The following TFG variants were observed in gnomAD, a reference collection of about 807,000 sequenced individuals.
TFG encodes trafficking from ER to golgi regulator.
In TFG, 22 loss-of-function variants were observed where a neutral mutation model predicts 51.4. That is an observed-to-expected ratio of 0.43 (90% confidence interval 0.31 to 0.61). TFG has a LOEUF of 0.61. TFG is among the 20% of genes least tolerant of loss of function. The probability of loss-of-function intolerance (pLI) is 0.12; values close to 1 mark genes in which losing one functional copy is unlikely to be tolerated. For synonymous variants in TFG, 187 were observed against 165.6 expected (o/e 1.13, Z -0.99); for missense variants, 419 against 487.7 (o/e 0.86, Z 1.33).
intron 2 of TFG, among the ~76,000 whole-genome samples, chr3:100,718,904 TA>T (rs1464752455): frequency 1.3e-5 from 2 of 152,182 alleles, no homozygotes; most frequent in African/African-American, 4.8e-5. Context: ...ATTCTGTTAG[TA>T]GAGTGGAGGG....
At chr3:100,719,872 T>A in intron 2 of TFG, 103 bp from the exon 3 acceptor site, 1 of 657,218 alleles carries the variant, frequency 1.5e-6, no homozygotes, top group Admixed American at 3.5e-5. Flanking sequence ...AACTATGTTC[T>A]ACAATCTACA....
intron 3 of TFG, among the ~76,000 whole-genome samples, chr3:100,721,810 A>G (rs2095061503): frequency 6.6e-6 from 1 of 152,222 alleles, no homozygotes; most frequent in East Asian, 1.9e-4. Flanking sequence ...AAGATATGTG[A>G]TAGTCTACAA....
chr3:100,744,007 G>A (rs2095128505), intron 6 of TFG: 1 of 152,062 alleles, frequency 6.6e-6, no homozygotes, highest in South Asian at 2.1e-4. Flanking sequence ...TTGAGAAGTA[G>A]AGATAATAAA....
At chr3:100,727,652 C>T (rs974101399) in intron 3 of TFG, among the ~76,000 whole-genome samples, 12 of 151,954 alleles carry the variant, frequency 7.9e-5, no homozygotes, top group African/African-American at 2.2e-4. Context: ...TTTCAGTCAA[C>T]TGAAAATCAT....
At chr3:100,736,514 T>G in intron 5 of TFG, 62 bp from the exon 6 acceptor site, 1 of 1,579,174 alleles carries the variant, frequency 6.3e-7, no homozygotes, top group Non-Finnish European at 8.6e-7. Context: ...AACTTATTCC[T>G]TGAGCTTGCT....
At chr3:100,743,772 A>G (rs2095127804) in intron 6 of TFG, 1 of 151,912 alleles carries the variant, frequency 6.6e-6, no homozygotes, top group Non-Finnish European at 1.5e-5. Context: ...TGCCTACTGC[A>G]GCTCGATTTG....
At chr3:100,723,725 A>G (rs906038462) in intron 3 of TFG, among the ~76,000 whole-genome samples, 6 of 152,198 alleles carry the variant, frequency 3.9e-5, no homozygotes, top group Non-Finnish European at 8.8e-5. Context: ...AGAAAAATTG[A>G]CAGAACAAAG....
chr3:100,739,066 T>G (rs2095114458), intron 6 of TFG, among the ~76,000 whole-genome samples: 1 of 152,302 alleles, frequency 6.6e-6, no homozygotes, highest in African/African-American at 2.4e-5. Context: ...CAGCTTTAGA[T>G]AAATATAGTC....
At chr3:100,738,831 C>T (rs1164813897) in intron 6 of TFG, among the ~76,000 whole-genome samples, 2 of 152,092 alleles carry the variant, frequency 1.3e-5, no homozygotes, top group Admixed American at 1.3e-4. Context: ...TATTTAGCAG[C>T]ATTAGAAAAA....
chr3:100,718,386 G>T (rs747351961), intron 2 of TFG, among the ~76,000 whole-genome samples: 7 of 151,926 alleles, frequency 4.6e-5, no homozygotes, highest in Non-Finnish European at 7.4e-5. Flanking sequence ...GTCACATAAG[G>T]CCTCTGTCTC....
At chr3:100,717,867 A>AT (rs918660651) in intron 2 of TFG, among the ~76,000 whole-genome samples, 8 of 151,740 alleles carry the variant, frequency 5.3e-5, no homozygotes, top group African/African-American at 1.9e-4. Flanking sequence ...GATACCTTTT[A>AT]TTTTTTTCTC....
intron 3 of TFG, among the ~76,000 whole-genome samples, chr3:100,724,356 G>T (rs562837623): frequency 6.6e-6 from 1 of 152,194 alleles, no homozygotes; most frequent in South Asian, 2.1e-4. Flanking sequence ...TAGAAATGAA[G>T]TTTATAGTAG....
intron 3 of TFG, among the ~76,000 whole-genome samples, chr3:100,727,264 A>G (rs1440013070): frequency 6.6e-6 from 1 of 152,168 alleles, no homozygotes; most frequent in Non-Finnish European, 1.5e-5. Context: ...TGTTTTTCTC[A>G]TCAAATATTG....
At chr3:100,713,898 A>C (rs779684384) in intron 2 of TFG, 29 bp downstream of exon 2, 2 of 1,357,672 alleles carry the variant, frequency 1.5e-6, no homozygotes, top group East Asian at 4.9e-5. Context: ...CTATTTTTTA[A>C]AGTCTTTTTA....
intron 6 of TFG, among the ~76,000 whole-genome samples, chr3:100,738,557 T>TAA (rs539987066): frequency 5.3e-5 from 8 of 152,314 alleles, no homozygotes; most frequent in African/African-American, 1.9e-4. Flanking sequence ...CGAAAGGACA[T>TAA]ACAGTGAAAA....
chr3:100,737,339 A>T (rs1458561941), intron 6 of TFG, among the ~76,000 whole-genome samples: 2 of 152,236 alleles, frequency 1.3e-5, no homozygotes, highest in Non-Finnish European at 2.9e-5. Context: ...CAGTGGTTTC[A>T]AAAGAATGTC....
rs777143620 is a variant in TFG at position 100,736,602 on chromosome 3, C to T, written c.607C>T (p.Arg203Cys). The T allele has an allele frequency of 5.0e-6, 8 of 1,613,814 alleles. No homozygotes were observed. Among genetic ancestry groups the T allele is most frequent in the East Asian group, 2.2e-5 (1 of 44,882 alleles). ...GCCACCCAGTGCTCCTGCAGAAGAT[C>T]GTTCAGGAACACCCGACAGCATTGC... ...SGPPSAPAED[R>C]SGTPDSIASS... The change falls in exon 6 of 8, where the codon CGT becomes TGT. Residue 203 changes from arginine to cysteine, a missense_variant. Physicochemically the swap from Arg to Cys is radical, Grantham distance 180 (BLOSUM62 -3). This residue lies in a region of TFG where 391 missense variants were observed against 434.4 expected (regional missense o/e 0.90). Transcript: ENST00000240851.
chr3:100,741,619 G>A (rs947703650), intron 6 of TFG, among the ~76,000 whole-genome samples: 5 of 152,118 alleles, frequency 3.3e-5, no homozygotes, highest in Admixed American at 6.6e-5. Context: ...AGTGTATAGC[G>A]TTTGTAAACC....
chr3:100,721,269 A>C (rs1056396405), intron 3 of TFG, among the ~76,000 whole-genome samples: 5 of 152,096 alleles, frequency 3.3e-5, no homozygotes, highest in African/African-American at 1.2e-4. Context: ...TAAGGGAAAT[A>C]TCCAGGGAAC....
Sources: gnomAD v4.1 joint callset for allele counts (sites outside exome capture counted in the v4.1 genomes callset) on GRCh38, gnomAD v4.1.1 for gene constraint, gnomAD v4.1.1 regional missense constraint, MANE v1.5 for transcripts, NCBI Gene and HGNC (gene_info 2026-07-23, HGNC 2026-07-21) for gene names.